The following KCNH4 variants were observed in gnomAD, a reference collection of about 807,000 sequenced individuals.
KCNH4 encodes voltage-gated delayed rectifier potassium channel KCNH4.
In KCNH4, 33 loss-of-function variants were observed where a neutral mutation model predicts 90.7. That is an observed-to-expected ratio of 0.36 (90% confidence interval 0.28 to 0.49). The LOEUF (loss-of-function observed/expected upper bound fraction) is 0.49, where lower values mean the gene tolerates loss of function less well. Ranked by LOEUF, KCNH4 falls within the 20% of genes least tolerant of loss-of-function variation. The pLI is 0.98. For missense variants in KCNH4, 1,044 were observed against 1,387.1 expected (o/e 0.75, Z 3.93); for synonymous variants, 551 against 581.7 (o/e 0.95, Z 0.76).
rs577392133 is a variant in KCNH4 at position 42,160,033 on chromosome 17, G to A, written c.*7C>T. 2 of 1,512,834 alleles carry A rather than the reference G, an allele frequency of 1.3e-6. No individual in the cohort carries two copies. The highest frequency in any genetic ancestry group is 4.6e-5 in the East Asian group (2 of 43,554). 93.7% of individuals were successfully genotyped at this position (1,512,834 alleles called of 1,614,324 possible). ...CACCCCAGACAGGCCTGGGCCCTGG[G>A]CCAGGGTCAGTGGAACGTGTCTGAC... On this transcript the variant is annotated 3_prime_UTR_variant, in exon 16 of 17. Coordinates refer to ENST00000264661, the MANE Select transcript of KCNH4 (RefSeq NM_012285.3).
Position 42,167,514 on chromosome 17 carries a change from C to T in KCNH4, c.1591-968G>A, listed in dbSNP as rs193220903. The stretch of plus-strand genomic sequence containing the variant: ...CTCCCAGCCTCAGGTGATCTGCCCG[C>T]CTCAGCCTCCCAAAGTGCTGGGATT... On this transcript the variant is annotated intron_variant, in intron 9 of 16. Transcript: ENST00000264661. Among the ~76,000 whole-genome samples the T allele has an allele frequency of 1.6e-3, 243 of 152,276 alleles. 1 individual carries two copies. Among genetic ancestry groups the T allele is most frequent in the Admixed American group, 5.0e-3 (77 of 15,278 alleles).
chr17:42,160,511 G>T, intron 15 of KCNH4, 76 bp from the exon 16 acceptor site: 1 of 1,458,774 alleles, frequency 6.9e-7, no homozygotes, highest in South Asian at 1.4e-5. Flanking sequence ...AGTTTACAAA[G>T]CTCTTTCGCA....
chr17:42,163,761 G>A lies in KCNH4; in HGVS notation c.2322C>T (p.Ser774=). ...ACAGGGATGGGGATAAGGAAGGAGA[G>A]GAGACAAGGGCTGAGAATGGGGGCA... ...EELPPFSALV[S]SPSLSPSLSP... is the part of the protein sequence containing the mutation. The change falls in exon 13 of 17, where the codon TCC becomes TCT. Residue 774 remains serine, a synonymous_variant. Coordinates refer to ENST00000264661, the MANE Select transcript of KCNH4 (RefSeq NM_012285.3). The surrounding 1 kb of genome is among the most constrained non-coding windows in gnomAD (Gnocchi z 5.4). The A allele has an allele frequency of 1.3e-6, 2 of 1,559,124 alleles. No homozygotes were observed. Among genetic ancestry groups the A allele is most frequent in the Non-Finnish European group, 1.7e-6 (2 of 1,154,712 alleles).
In KCNH4 at chr17:42,175,635, T is replaced by C. The variant is rs2079855522; in HGVS notation, c.931A>G (p.Ile311Val). 1.9e-6 allele frequency: 3 copies of C among 1,614,006 alleles called. No individual in the cohort carries two copies. The highest frequency in any genetic ancestry group is 2.5e-6 in the Non-Finnish European group (3 of 1,179,992). The change falls in exon 6 of 17, where the codon ATC becomes GTC. Residue 311 changes from isoleucine to valine, a missense_variant. By Grantham distance (29) the Ile-to-Val change is conservative. Coordinates refer to ENST00000264661, the MANE Select transcript of KCNH4 (RefSeq NM_012285.3). ...AAGGGCAGAGCAGCAATAAGGTCGA[T>C]GAAGAACCAGGTGGCCAGGTAGTGG... ...GLHYLATWFF[I>V]DLIAALPFDL...
chr17:42,176,416 C>G, intron 4 of KCNH4, 119 bp from the exon 5 acceptor site: 1 of 913,406 alleles, frequency 1.1e-6, no homozygotes, highest in Non-Finnish European at 1.7e-6. Context: ...CACTTTTGAC[C>G]ATGAATGAAA....
intron 4 of KCNH4, among the ~76,000 whole-genome samples, chr17:42,177,835 C>T (rs1296158976): frequency 6.6e-6 from 1 of 152,202 alleles, no homozygotes; most frequent in African/African-American, 2.4e-5. Flanking sequence ...CAGGTGAGGT[C>T]ATTGCTGCTA....
chr17:42,166,405 C>A lies in KCNH4; in HGVS notation c.1732G>T (p.Ala578Ser). 1 of 1,614,046 alleles carries A rather than the reference C, an allele frequency of 6.2e-7. No homozygotes were observed. The highest frequency in any genetic ancestry group is 8.5e-7 in the Non-Finnish European group (1 of 1,179,964). Residue 578 changes from alanine (A) to serine (S), a missense_variant, in exon 10 of 17, where the codon GCT becomes TCT. Around this residue, in one of 4 missense-constraint regions of KCNH4, gnomAD observed 318 missense variants for 479.6 expected, o/e 0.66. Coordinates refer to ENST00000264661, the MANE Select transcript of KCNH4 (RefSeq NM_012285.3). ...LSLHIKTSFC[A>S]PGEYLLRRGD... ...CGGCGCAACAGGTACTCGCCCGGAG[C>A]GCAGAACGAGGTCTTGATGTGCAGC... is the stretch of plus-strand genomic sequence containing the variant.
At chr17:42,165,718 C>T (rs1303271162) in intron 10 of KCNH4, 25 bp from the exon 11 acceptor site, 2 of 1,612,732 alleles carry the variant, frequency 1.2e-6, no homozygotes, top group African/African-American at 2.7e-5. Flanking sequence ...TGGGGACAGT[C>T]AGCTGGGGCA....
chr17:42,179,104 T>G (rs898570357), intron 1 of KCNH4, 78 bp from the exon 2 acceptor site: 1 of 1,062,034 alleles, frequency 9.4e-7, no homozygotes, highest in Non-Finnish European at 1.4e-6. Context: ...TTCCTCTAAG[T>G]TGGGGTTAGA....
At position 42,170,221 on chromosome 17, in the gene KCNH4, A is replaced by G; in HGVS notation, c.1276T>C (p.Tyr426His). The G allele has an allele frequency of 6.2e-7, 1 of 1,612,064 alleles. No homozygotes were observed. Residue 426 changes from tyrosine to histidine, a missense_variant, in exon 8 of 17, where the codon TAC (tyrosine) becomes CAC (histidine). By Grantham distance (83) the Tyr-to-His change is moderately conservative. Around this residue, in one of 4 missense-constraint regions of KCNH4, gnomAD observed 318 missense variants for 479.6 expected, o/e 0.66. Coordinates refer to ENST00000264661, the MANE Select transcript of KCNH4 (RefSeq NM_012285.3). The part of the protein sequence containing the change: ...SVGGPSRRSA[Y>H]IAALYFTLSS... ...AGAGTGAAGTACAGTGCCGCGATGT[A>G]GGCGCTGCGCCGTGATGGGCCGCCC...
At chr17:42,167,953 C>T (rs949154237) in intron 9 of KCNH4, among the ~76,000 whole-genome samples, 1 of 152,212 alleles carries the variant, frequency 6.6e-6, no homozygotes, top group African/African-American at 2.4e-5. Flanking sequence ...CTCCGCAGCA[C>T]TCACATGCCC....
In KCNH4 at chr17:42,160,290, G is replaced by C. The variant is rs762294742; in HGVS notation, c.2804C>G (p.Pro935Arg). The change falls in exon 16 of 17, where the codon CCA becomes CGA. Residue 935 changes from proline to arginine, a missense_variant. Pro to Arg is a moderately radical substitution (Grantham distance 103). Coordinates refer to ENST00000264661, the MANE Select transcript of KCNH4 (RefSeq NM_012285.3). ...TCTGGACGCACAAGGAGAGAGGCAT[G>C]GTGGCCTCAGCTGTGGACAAGGAGG... ...PDPPCPQLRP[P>R]CLSPCASRPP... The C allele has an allele frequency of 6.2e-7, 1 of 1,614,146 alleles. No homozygotes were observed. The highest frequency in any genetic ancestry group is 2.2e-5 in the East Asian group (1 of 44,868).
chr17:42,157,463 G>A (rs928271211), intron 16 of KCNH4, among the ~76,000 whole-genome samples: 2 of 152,080 alleles, frequency 1.3e-5, no homozygotes, highest in Non-Finnish European at 2.9e-5. Context: ...GCTGGGTGTC[G>A]GGAGATGATC....
At chr17:42,160,987 C>T (rs906037659) in intron 15 of KCNH4, among the ~76,000 whole-genome samples, 3 of 136,820 alleles carry the variant, frequency 2.2e-5, no homozygotes, top group African/African-American at 8.1e-5. Flanking sequence ...AGTGCAATGG[C>T]GCGATCTCAG....
At position 42,163,432 on chromosome 17, in the gene KCNH4, G is replaced by T; in HGVS notation, c.2478-98C>A. On this transcript the variant is annotated intron_variant, in intron 13 of 16. Coordinates refer to ENST00000264661, the MANE Select transcript of KCNH4 (RefSeq NM_012285.3). This position sits in a 1 kb window ranked among gnomAD's most constrained non-coding sequence, Gnocchi z 5.4. ...CTGGGGGCAGCAGTGCCAGGGGGCG[G>T]AGCAAGAGCAGCAGTCAAAGTGGGT... 1 of 911,676 alleles carries T rather than the reference G, an allele frequency of 1.1e-6. No individual in the cohort carries two copies. Among genetic ancestry groups the T allele is most frequent in the Non-Finnish European group, 1.7e-6 (1 of 581,074 alleles). The allele number at this position is 911,676 out of a possible 1,614,324, so 56.5% of individuals were successfully genotyped here.
At chr17:42,160,663 G>A (rs1212296796) in intron 15 of KCNH4, among the ~76,000 whole-genome samples, 1 of 152,126 alleles carries the variant, frequency 6.6e-6, no homozygotes, top group African/African-American at 2.4e-5. Context: ...ACACGCGCGC[G>A]CGAGCTTTCC....
At chr17:42,160,539 G>T (rs1417280651) in intron 15 of KCNH4, 104 bp from the exon 16 acceptor site, 2 of 1,218,256 alleles carry the variant, frequency 1.6e-6, no homozygotes, top group African/African-American at 1.5e-5. Context: ...TCTGCTCATG[G>T]CCACCCTGGG....
chr17:42,160,182 A>C lies in KCNH4; in HGVS notation c.2912T>G (p.Leu971Arg). Residue 971 changes from leucine to arginine, a missense_variant, in exon 16 of 17, where the codon CTC (leucine) becomes CGC (arginine). Physicochemically the swap from Leu to Arg is moderately radical, Grantham distance 102. This residue lies in a region of KCNH4 where 441 missense variants were observed against 512.3 expected (regional missense o/e 0.86). Coordinates refer to ENST00000264661, the MANE Select transcript of KCNH4 (RefSeq NM_012285.3). ...SVGTMETGTA[L>R]LDLRPSILPP... is the part of the protein sequence containing the mutation. ...CAATATGGAAGGTCTCAAGTCCAGG[A>C]GCGCAGTCCCTGTCTCCATGGTCCC... 6.2e-7 allele frequency: 1 copy of C among 1,613,734 alleles called. No individual in the cohort carries two copies. The highest frequency in any genetic ancestry group is 1.3e-5 in the African/African-American group (1 of 75,048).
In KCNH4 at chr17:42,163,293, G is replaced by A; in HGVS notation, c.2519C>T (p.Ala840Val). 6.2e-7 allele frequency: 1 copy of A among 1,614,086 alleles called. No individual in the cohort carries two copies. The highest frequency in any genetic ancestry group is 8.5e-7 in the Non-Finnish European group (1 of 1,180,004). The change falls in exon 14 of 17, where the codon GCC becomes GTC. Residue 840 changes from alanine (A) to valine (V), a missense_variant. By Grantham distance (64) the Ala-to-Val change is moderately conservative. Transcript: ENST00000264661. This position sits in a 1 kb window ranked among gnomAD's most constrained non-coding sequence, Gnocchi z 5.4. Reference protein sequence around the residue: ...GIEDSGSTAEAPSFRFSRRPE... With the variant: ...GIEDSGSTAEVPSFRFSRRPE... ...CCTCCTGCTGAATCGGAATGAAGGG[G>A]CCTCAGCTGTGCTGCCAGAGTCCTC...
Sources: gnomAD v4.1 joint callset for allele counts (sites outside exome capture counted in the v4.1 genomes callset) on GRCh38, gnomAD v4.1.1 for gene constraint, gnomAD v4.1.1 regional missense constraint, Gnocchi (gnomAD v3.1) non-coding constraint, MANE v1.5 for transcripts, NCBI Gene and HGNC (gene_info 2026-07-23, HGNC 2026-07-21) for gene names.